The following TGFBR3 variants were observed in gnomAD, a reference collection of about 807,000 sequenced individuals.
TGFBR3 encodes the protein transforming growth factor beta receptor 3.
A neutral mutation model predicts 87.9 loss-of-function variants in TGFBR3; 46 were observed. The observed-to-expected ratio is 0.52, with a 90% confidence interval of 0.41 to 0.67. TGFBR3 has a LOEUF of 0.67. Among genes scored for constraint, TGFBR3 ranks in the 30% least tolerant of loss-of-function variants. The pLI is 0.00. For synonymous variants in TGFBR3, 381 were observed against 391.6 expected (o/e 0.97, Z 0.32); for missense variants, 866 against 1,041.9 (o/e 0.83, Z 2.32).
chr1:91,744,337 C>T (rs1273982249), intron 4 of TGFBR3, among the ~76,000 whole-genome samples: 2 of 152,140 alleles, frequency 1.3e-5, no homozygotes, highest in East Asian at 1.9e-4. Context: ...CTGCCCACCC[C>T]GGCCTCCCAA....
intron 16 of TGFBR3, among the ~76,000 whole-genome samples, chr1:91,692,203 T>C (rs989885296): frequency 6.6e-6 from 1 of 152,136 alleles, no homozygotes; most frequent in Admixed American, 6.5e-5. Flanking sequence ...ATTAAGAGGA[T>C]GGTGGGGGAA....
At position 91,875,787 on chromosome 1, in the gene TGFBR3, G is replaced by T. The variant is rs1425760649; in HGVS notation, c.-114+10091C>A. On this transcript the variant is annotated intron_variant, in intron 1 of 16. Transcript: ENST00000212355. The stretch of plus-strand genomic sequence containing the variant: ...CCTGTAATCCCAGCTACTCGGGCGG[G>T]GGGGGGGGGTGGGAGTGTGCAGCTG... Among the ~76,000 whole-genome samples the T allele has an allele frequency of 5.9e-4, 37 of 62,712 alleles. 6 individuals carry two copies. In the East Asian group the frequency reaches 0.017, roughly 29 times the overall value. 41.1% of individuals were successfully genotyped at this position (62,712 alleles called of 152,430 possible). A position where few individuals can be genotyped will look rare whatever the true frequency, so the allele number is the denominator to read the frequency against.
intron 2 of TGFBR3, chr1:91,829,982 AG>A (rs750650369): frequency 6.6e-6 from 1 of 152,124 alleles, no homozygotes; most frequent in Non-Finnish European, 1.5e-5. Flanking sequence ...TGATTGGCAT[AG>A]TGCACTACAA....
At position 91,875,819 on chromosome 1, in the gene TGFBR3, G is replaced by A. The variant is rs574279956; in HGVS notation, c.-114+10059C>T. On this transcript the variant is annotated intron_variant, in intron 1 of 16. Transcript: ENST00000212355. ...GGGTGGGAGTGTGCAGCTGAGGGAG[G>A]AGAATTGCTTGAACCCAGGAGGCGG... Among the ~76,000 whole-genome samples, 15 of 123,196 alleles carry A rather than the reference G, an allele frequency of 1.2e-4. No individual in the cohort carries two copies. The East Asian group carries it at 3.8e-3, about 32-fold the overall frequency. The allele number at this position is 123,196 out of a possible 152,430, so 80.8% of individuals were successfully genotyped here.
intron 2 of TGFBR3, among the ~76,000 whole-genome samples, chr1:91,898,497 C>T (rs946382509): frequency 2.0e-5 from 3 of 152,048 alleles, no homozygotes; most frequent in African/African-American, 7.3e-5. Context: ...AGTGCAGTGG[C>T]GCGATCTCGG....
intron 2 of TGFBR3, among the ~76,000 whole-genome samples, chr1:91,858,277 A>G (rs1678035007): frequency 6.6e-6 from 1 of 152,186 alleles, no homozygotes. Context: ...TTTGTAAAGT[A>G]TGCTGGGCCT....
chr1:91,882,132 G>A (rs1326401046), intron 1 of TGFBR3, among the ~76,000 whole-genome samples: 4 of 142,862 alleles, frequency 2.8e-5, no homozygotes. Flanking sequence ...GACAAAAATT[G>A]AAAACCTTTT....
At chr1:91,746,418 C>G (rs1270060694) in intron 4 of TGFBR3, among the ~76,000 whole-genome samples, 1 of 152,210 alleles carries the variant, frequency 6.6e-6, no homozygotes, top group Non-Finnish European at 1.5e-5. Context: ...CTTCAGACTC[C>G]TAACTTTACC....
chr1:91,898,719 G>A (rs1056601935), intron 2 of TGFBR3, among the ~76,000 whole-genome samples: 2 of 152,170 alleles, frequency 1.3e-5, no homozygotes, highest in African/African-American at 2.4e-5. Flanking sequence ...TTACAGGTGT[G>A]AGCGAACACG....
At chr1:91,878,005 G>GCAATGATGCAAAATGTATGTAATGAGT (rs1369114692) in intron 1 of TGFBR3, among the ~76,000 whole-genome samples, 2 of 152,200 alleles carry the variant, frequency 1.3e-5, no homozygotes, top group Non-Finnish European at 2.9e-5. Flanking sequence ...ACCTTACGCT[G>GCAATGATGCAAAATGTATGTAATGAGT]CAATGATGCA....
intron 4 of TGFBR3, among the ~76,000 whole-genome samples, chr1:91,751,945 A>G (rs1265621019): frequency 6.6e-6 from 1 of 152,196 alleles, no homozygotes; most frequent in African/African-American, 2.4e-5. Context: ...AAAGAATCAC[A>G]GAGTTTAAAA....
Position 91,861,488 on chromosome 1 carries a change from G to A in TGFBR3, c.44C>T (p.Ser15Phe), listed in dbSNP as rs1805110. 166,078 of 1,612,018 alleles carry A rather than the reference G, an allele frequency of 0.1. 11,638 individuals are homozygous for A. The highest frequency in any genetic ancestry group is 0.41 in the East Asian group (18,591 of 44,832). Reference sequence around the variant, plus strand: ...CAACTTACCTGCAGTGGCTAAACAGGAGCTCATCAGGGCAAAGATGGCAAT... The same window carrying A: ...CAACTTACCTGCAGTGGCTAAACAGAAGCTCATCAGGGCAAAGATGGCAAT... The part of the protein sequence containing the change: ...YVIAIFALMS[S>F]CLATAGPEPG... Residue 15 changes from serine to phenylalanine, a missense_variant, in exon 2 of 17, where the codon TCC becomes TTC. By Grantham distance (155) the Ser-to-Phe change is radical. Coordinates refer to ENST00000212355, the MANE Select transcript of TGFBR3 (RefSeq NM_003243.5).
chr1:91,743,479 C>T (rs1466337841), intron 4 of TGFBR3, among the ~76,000 whole-genome samples: 1 of 152,160 alleles, frequency 6.6e-6, no homozygotes, highest in Non-Finnish European at 1.5e-5. Flanking sequence ...TACAACCCCA[C>T]CACCCAGCCC....
chr1:91,824,166 A>G (rs1009466553), intron 2 of TGFBR3, among the ~76,000 whole-genome samples: 3 of 152,326 alleles, frequency 2.0e-5, no homozygotes, highest in Non-Finnish European at 2.9e-5. Context: ...TGTACATTTT[A>G]ATCTATATAA....
chr1:91,848,104 C>T (rs887040548), intron 2 of TGFBR3, among the ~76,000 whole-genome samples: 11 of 152,186 alleles, frequency 7.2e-5, no homozygotes, highest in South Asian at 4.1e-4. Flanking sequence ...ACATGGATCC[C>T]TCTGACCCAA....
intron 7 of TGFBR3, among the ~76,000 whole-genome samples, 192 bp from the exon 8 acceptor site, chr1:91,722,336 C>T (rs10157635): frequency 0.068 from 10,419 of 152,136 alleles, 450 homozygotes; most frequent in East Asian, 0.22. Context: ...AAGACATCTA[C>T]GTATGCTGCT....
intron 10 of TGFBR3, among the ~76,000 whole-genome samples, chr1:91,718,830 C>G (rs1672264225): frequency 6.6e-6 from 1 of 152,116 alleles, no homozygotes; most frequent in Admixed American, 6.5e-5. Context: ...CCTTAAAGGT[C>G]CTTTTTGAGT....
intron 4 of TGFBR3, among the ~76,000 whole-genome samples, chr1:91,738,700 A>G (rs72714492): frequency 0.013 from 2,037 of 152,284 alleles, 25 homozygotes; most frequent in Non-Finnish European, 0.023. Context: ...AGTCTCAAGT[A>G]TTTCTTTTTA....
intron 6 of TGFBR3, among the ~76,000 whole-genome samples, chr1:91,729,285 T>TATAC (rs1672674656): frequency 7.0e-6 from 1 of 143,108 alleles, no homozygotes; most frequent in African/African-American, 2.6e-5. Context: ...TGCATGCGCA[T>TATAC]ACACACACAC....
Sources: gnomAD v4.1 joint callset for allele counts (sites outside exome capture counted in the v4.1 genomes callset) on GRCh38, gnomAD v4.1.1 for gene constraint, MANE v1.5 for transcripts, NCBI Gene and HGNC (gene_info 2026-07-23, HGNC 2026-07-21) for gene names.